Variants in MYRF observed in about 807,000 individuals in gnomAD.
The protein encoded by MYRF is myelin regulatory factor, also known as myelin gene regulatory factor.
Under a neutral mutation model 126.3 loss-of-function variants are expected in MYRF, and 16 were observed. The observed-to-expected ratio is 0.13, with a 90% CI of 0.09 to 0.19. The LOEUF is 0.19. Ranked by LOEUF, MYRF falls within the 10% of genes least tolerant of loss-of-function variation. The pLI, the probability that MYRF is intolerant of heterozygous loss-of-function variation, is 1.00. For missense variants in MYRF, 1,104 were observed against 1,547.0 expected (o/e 0.71, Z 4.80); for synonymous variants, 608 against 635.3 (o/e 0.96, Z 0.65).
intron 3 of MYRF, chr11:61,767,457 G>A (rs969472713): frequency 2.2e-6 from 1 of 456,468 alleles, no homozygotes; most frequent in Admixed American, 2.3e-5. Context: ...CTTGTCCAGA[G>A]CCACACAGGG....
intron 18 of MYRF, among the ~76,000 whole-genome samples, 181 bp from the exon 19 acceptor site, chr11:61,780,531 C>T (rs997802233): frequency 1.4e-4 from 21 of 152,242 alleles, no homozygotes; most frequent in African/African-American, 4.6e-4. Flanking sequence ...GCTGGGCCTG[C>T]GAGTCAGGGC....
chr11:61,765,673 T>C lies in MYRF; in HGVS notation c.95T>C (p.Ile32Thr). 4 of 1,613,082 alleles carry C rather than the reference T, an allele frequency of 2.5e-6. No homozygotes were observed. Among genetic ancestry groups the C allele is most frequent in the Non-Finnish European group, 2.5e-6 (3 of 1,179,868 alleles). ...ALEPSNIDTS[I>T]LEEYISKEDA... ...GAGCCCTCCAACATAGACACCAGCA[T>C]CCTGGAGGAGTACATCAGCAAGGAG... is the stretch of plus-strand genomic sequence containing the variant. The change falls in exon 2 of 27, where the codon ATC becomes ACC. Residue 32 changes from isoleucine to threonine, a missense_variant. Transcript: ENST00000278836.
Position 61,778,561 on chromosome 11 carries a change from C to T in MYRF, c.2013+72C>T. On this transcript the variant is annotated intron_variant, in intron 14 of 26. Coordinates refer to ENST00000278836, the MANE Select transcript of MYRF (RefSeq NM_001127392.3). This position sits in a 1 kb window ranked among gnomAD's most constrained non-coding sequence, Gnocchi z 4.6. ...CCAGCTGGGGAACACTCATCACCTC[C>T]ATAGATACTGGGGGCACTGCAAAGC... 9.2e-7 allele frequency: 1 copy of T among 1,091,976 alleles called. No individual in the cohort carries two copies. The allele number at this position is 1,091,976 out of a possible 1,614,324, so 67.6% of individuals were successfully genotyped here. A position where few individuals can be genotyped will look rare whatever the true frequency, so the allele number is the denominator to read the frequency against.
Position 61,776,940 on chromosome 11 carries a change from A to G in MYRF, c.1590+63A>G. ...CCCAGGACTGGGAGAAACAGCAAGC[A>G]GAAGTACCCGGGTACTGAGAGTCAG... On this transcript the variant is annotated intron_variant, in intron 11 of 26. Coordinates refer to ENST00000278836, the MANE Select transcript of MYRF (RefSeq NM_001127392.3). The surrounding 1 kb of genome is among the most constrained non-coding windows in gnomAD (Gnocchi z 4.3). The G allele has an allele frequency of 7.3e-7, 1 of 1,362,020 alleles. No homozygotes were observed. Among genetic ancestry groups the G allele is most frequent in the South Asian group, 1.3e-5 (1 of 75,954 alleles). 84.4% of individuals were successfully genotyped at this position (1,362,020 alleles called of 1,614,324 possible).
chr11:61,766,820 G>A (rs539386294), intron 3 of MYRF: 10 of 347,122 alleles, frequency 2.9e-5, no homozygotes, highest in East Asian at 1.5e-4. Context: ...GGCAGCTCCC[G>A]GGGCACATGC....
At chr11:61,753,101 C>T (rs1385758563) in intron 1 of MYRF, among the ~76,000 whole-genome samples, 1 of 152,114 alleles carries the variant, frequency 6.6e-6, no homozygotes, top group African/African-American at 2.4e-5. Flanking sequence ...GTGACACTCT[C>T]GCCCCCAGCA....
intron 24 of MYRF, 68 bp from the exon 25 acceptor site, chr11:61,784,212 G>T: frequency 6.9e-7 from 1 of 1,442,086 alleles, no homozygotes. Flanking sequence ...GTGGCAGGCT[G>T]GCTGGGAGGG....
Position 61,783,518 on chromosome 11 carries a change from G to C in MYRF, c.3037G>C (p.Val1013Leu), listed in dbSNP as rs1376696827. 1.2e-6 allele frequency: 2 copies of C among 1,613,666 alleles called. No individual in the cohort carries two copies. The highest frequency in any genetic ancestry group is 1.7e-6 in the Non-Finnish European group (2 of 1,179,988). ...AACAGCCTCTCTCCTTGCAGAGCCA[G>C]TGCCCTCCCTGACCTCCATCCAGGT... is the stretch of plus-strand genomic sequence containing the variant. ...GQSASLLAEP[V>L]PSLTSIQVLE... is the part of the protein sequence containing the mutation. The change falls in exon 23 of 27, where the codon GTG (valine) becomes CTG (leucine). Residue 1013 changes from valine (V) to leucine (L), a missense_variant. Transcript: ENST00000278836. The surrounding 1 kb of genome is among the most constrained non-coding windows in gnomAD (Gnocchi z 4.6).
At chr11:61,768,304 GC>G (rs1405940734) in intron 3 of MYRF, among the ~76,000 whole-genome samples, 3 of 152,198 alleles carry the variant, frequency 2.0e-5, no homozygotes, top group Non-Finnish European at 4.4e-5. Context: ...TGCAGGGACT[GC>G]AGGGTGTGAA....
intron 24 of MYRF, 130 bp downstream of exon 24, chr11:61,784,055 T>C (rs927626698): frequency 1.9e-5 from 22 of 1,170,416 alleles, no homozygotes; most frequent in African/African-American, 4.5e-5. Context: ...GGATAAGTGC[T>C]GACTTCATTG....
intron 1 of MYRF, 99 bp downstream of exon 1, chr11:61,752,889 C>A: frequency 8.5e-7 from 1 of 1,180,586 alleles, no homozygotes; most frequent in Non-Finnish European, 1.1e-6. Context: ...TCCGCCTCCT[C>A]TGGCTGGGAC....
chr11:61,781,938 G>A lies in MYRF; in HGVS notation c.3016+114G>A, dbSNP rs151188403. The A allele has an allele frequency of 2.0e-3, 2,626 of 1,290,294 alleles. 4 individuals are homozygous for A. Among genetic ancestry groups the A allele is most frequent in the Non-Finnish European group, 2.5e-3 (2,445 of 971,220 alleles). 79.9% of individuals were successfully genotyped at this position (1,290,294 alleles called of 1,614,324 possible). A position where few individuals can be genotyped will look rare whatever the true frequency, so the allele number is the denominator to read the frequency against. Reference sequence around the variant, plus strand: ...GGTTCAGACTTGTCAGTCAATAGACGTTTGCTGAGCACAGAATAAGGATCA... The same window carrying A: ...GGTTCAGACTTGTCAGTCAATAGACATTTGCTGAGCACAGAATAAGGATCA... On this transcript the variant is annotated intron_variant, in intron 22 of 26. Transcript: ENST00000278836.
At chr11:61,755,295 G>A in intron 1 of MYRF, 1 of 1,417,758 alleles carries the variant, frequency 7.1e-7, no homozygotes, top group Non-Finnish European at 9.6e-7. Context: ...TGGGAGGCCG[G>A]GACAGAGCGG....
At position 61,775,987 on chromosome 11, in the gene MYRF, GA is replaced by G. The variant is rs2066371244; in HGVS notation, c.1312-68del. The G allele has an allele frequency of 5.4e-6, 8 of 1,475,856 alleles. No homozygotes were observed. The African/African-American group carries it at 1.1e-4, about 21-fold the overall frequency. 91.4% of individuals were successfully genotyped at this position (1,475,856 alleles called of 1,614,324 possible). ...CTCTAGTTGGGCCAGGCCTGGCTGA[GA>G]GGGGGCAGGAGGGCAGGACCAGCCG... On this transcript the variant is annotated intron_variant, in intron 8 of 26. Transcript: ENST00000278836.
Position 61,777,625 on chromosome 11 carries a change from G to A in MYRF, c.1792-109G>A. 1 of 1,303,032 alleles carries A rather than the reference G, an allele frequency of 7.7e-7. No homozygotes were observed. The highest frequency in any genetic ancestry group is 1.1e-6 in the Non-Finnish European group (1 of 938,106). 80.7% of individuals were successfully genotyped at this position (1,303,032 alleles called of 1,614,324 possible). A position where few individuals can be genotyped will look rare whatever the true frequency, so the allele number is the denominator to read the frequency against. ...ATCCCGATCTAACCACTCCAGTGGT[G>A]GGGTCTCCTCTCCACACTGCAGCCT... On this transcript the variant is annotated intron_variant, in intron 12 of 26. Transcript: ENST00000278836. This position sits in a 1 kb window ranked among gnomAD's most constrained non-coding sequence, Gnocchi z 8.8.
intron 26 of MYRF, 50 bp downstream of exon 26, chr11:61,785,924 C>T (rs747321736): frequency 2.0e-5 from 32 of 1,584,502 alleles, no homozygotes; most frequent in South Asian, 6.6e-5. Context: ...CCCCTGTCTG[C>T]GACGTGGGGC....
chr11:61,767,343 C>T (rs760335965), intron 3 of MYRF: 16 of 456,584 alleles, frequency 3.5e-5, no homozygotes, highest in African/African-American at 3.2e-4. Context: ...GTGAGCTCAT[C>T]AGCCTTCCTG....
At chr11:61,774,271 TC>T in intron 8 of MYRF, 109 bp downstream of exon 8, 1 of 1,040,246 alleles carries the variant, frequency 9.6e-7, no homozygotes, top group Non-Finnish European at 1.4e-6. Context: ...ACGCCTGTAA[TC>T]CCAGCACTTT....
chr11:61,755,072 T>A (rs529385118), intron 1 of MYRF, among the ~76,000 whole-genome samples: 1 of 152,310 alleles, frequency 6.6e-6, no homozygotes, highest in Non-Finnish European at 1.5e-5. Flanking sequence ...GGTCCCCACT[T>A]GGCCTTGGTC....
Sources: allele counts gnomAD v4.1 joint callset (sites outside exome capture counted in the v4.1 genomes callset), GRCh38; gene constraint gnomAD v4.1.1; non-coding constraint Gnocchi (gnomAD v3.1); transcripts MANE v1.5; gene names NCBI Gene and HGNC (gene_info 2026-07-23, HGNC 2026-07-21).